Variants in ABCA13 observed in about 807,000 individuals in gnomAD.
The protein encoded by ABCA13 is ATP-binding cassette sub-family A member 13.
Under a neutral mutation model 478.7 loss-of-function variants are expected in ABCA13, and 476 were observed. That is an observed-to-expected ratio of 0.99 (90% confidence interval 0.92 to 1.07). ABCA13 has a LOEUF of 1.07. ABCA13 is among the 50% of genes least tolerant of loss of function. The pLI, the probability that ABCA13 is intolerant of heterozygous loss-of-function variation, is 0.00. For synonymous variants in ABCA13, 2,252 were observed against 2,158.9 expected, an observed-to-expected ratio of 1.04 and a Z score of -1.20; for missense variants, 6,060 against 5,910.6, an observed-to-expected ratio of 1.03 and a Z score of -0.83.
intron 15 of ABCA13, among the ~76,000 whole-genome samples, chr7:48,250,994 C>T (rs892628474): frequency 1.3e-5 from 2 of 152,178 alleles, no homozygotes; most frequent in African/African-American, 2.4e-5. Context: ...TTATTTCATG[C>T]TGTTTTTTAA....
At chr7:48,532,293 A>G (rs561326281) in intron 55 of ABCA13, among the ~76,000 whole-genome samples, 1 of 152,268 alleles carries the variant, frequency 6.6e-6, no homozygotes, top group Admixed American at 6.5e-5. Flanking sequence ...TATGTGGTGT[A>G]TCACATTAAT....
chr7:48,179,558 G>C (rs1177221369), intron 1 of ABCA13, among the ~76,000 whole-genome samples: 1 of 152,328 alleles, frequency 6.6e-6, no homozygotes, highest in East Asian at 1.9e-4. Flanking sequence ...GAGCTCCTGG[G>C]AGAATTGTAC....
chr7:48,445,463 C>T (rs1369979434), intron 42 of ABCA13, among the ~76,000 whole-genome samples: 2 of 152,144 alleles, frequency 1.3e-5, no homozygotes, highest in Admixed American at 1.3e-4. Flanking sequence ...CAGTTGGACT[C>T]CTTTCAGTTT....
Position 48,410,093 on chromosome 7 carries a change from C to CAAAAAAA in ABCA13, c.12071-415_12071-409dup, listed in dbSNP as rs58724216. Among the ~76,000 whole-genome samples the CAAAAAAA allele has an allele frequency of 3.7e-4, 25 of 67,200 alleles. 1 individual carries two copies. The highest frequency in any genetic ancestry group is 8.1e-4 in the East Asian group (2 of 2,464). 44.1% of individuals were successfully genotyped at this position (67,200 alleles called of 152,430 possible). A position where few individuals can be genotyped will look rare whatever the true frequency, so the allele number is the denominator to read the frequency against. On this transcript the variant is annotated intron_variant, in intron 39 of 61. Coordinates refer to ENST00000435803, the MANE Select transcript of ABCA13 (RefSeq NM_152701.5). ...TGGGAGACAGAGCAAGACTCCATCT[C>CAAAAAAA]AAAAAAAAAAAAAAAAAAGGATGAG...
intron 29 of ABCA13, among the ~76,000 whole-genome samples, chr7:48,344,188 A>AT (rs1807690438): frequency 6.6e-6 from 1 of 152,154 alleles, no homozygotes; most frequent in Non-Finnish European, 1.5e-5. Context: ...GTCTGGAGAT[A>AT]TTTTTGGTTG....
intron 58 of ABCA13, among the ~76,000 whole-genome samples, chr7:48,610,540 C>T (rs1791927249): frequency 6.6e-6 from 1 of 152,196 alleles, no homozygotes; most frequent in Non-Finnish European, 1.5e-5. Context: ...GGCACTGCCC[C>T]AGTGGGGACT....
intron 31 of ABCA13, among the ~76,000 whole-genome samples, chr7:48,356,893 T>C (rs1047778535): frequency 6.6e-6 from 1 of 152,026 alleles, no homozygotes; most frequent in African/African-American, 2.4e-5. Context: ...AATAAACAGG[T>C]TTTCAGAAAA....
chr7:48,361,215 G>A (rs1373904851), intron 31 of ABCA13, among the ~76,000 whole-genome samples: 1 of 151,876 alleles, frequency 6.6e-6, no homozygotes, highest in Admixed American at 6.6e-5. Context: ...TTGGTACTCA[G>A]TGCAGTTGTT....
Position 48,313,970 on chromosome 7 carries a change from TG to T in ABCA13, c.9682-261del, listed in dbSNP as rs1802154363. Among the ~76,000 whole-genome samples, 12 of 128,868 alleles carry T rather than the reference TG, an allele frequency of 9.3e-5. No individual in the cohort carries two copies. The South Asian group carries it at 2.7e-3, about 29-fold the overall frequency. 84.5% of individuals were successfully genotyped at this position (128,868 alleles called of 152,430 possible). A position where few individuals can be genotyped will look rare whatever the true frequency, so the allele number is the denominator to read the frequency against. On this transcript the variant is annotated intron_variant, in intron 25 of 61. Transcript: ENST00000435803. ...ACTGGACAAATAGTGTAAGGACTTA[TG>T]TGTGTGTGTGTATGTGTGTGTGTGT...
intron 1 of ABCA13, among the ~76,000 whole-genome samples, chr7:48,172,206 T>C (rs1173761318): frequency 6.6e-6 from 1 of 152,248 alleles, no homozygotes; most frequent in Admixed American, 6.5e-5. Flanking sequence ...TTATTCCTGA[T>C]GCCACTATAT....
chr7:48,489,525 A>C (rs1829655244), intron 48 of ABCA13, among the ~76,000 whole-genome samples, 181 bp downstream of exon 48: 1 of 152,202 alleles, frequency 6.6e-6, no homozygotes, highest in Non-Finnish European at 1.5e-5. Context: ...TTTGTGTGTC[A>C]TTAAATGTCT....
chr7:48,271,782 T>C lies in ABCA13; in HGVS notation c.2121-5T>C. 1 of 1,439,596 alleles carries C rather than the reference T, an allele frequency of 6.9e-7. No individual in the cohort carries two copies. The highest frequency in any genetic ancestry group is 9.2e-7 in the Non-Finnish European group (1 of 1,090,286). 89.2% of individuals were successfully genotyped at this position (1,439,596 alleles called of 1,614,324 possible). ...TATACTAAAATAATTCTATTAATAT[T>C]ACAGGGCTTTAAATTTCACAAAGCA... On this transcript the variant is annotated splice_region_variant and splice_polypyrimidine_tract_variant and intron_variant, in intron 16 of 61. Transcript: ENST00000435803.
chr7:48,234,173 TCA>T, intron 8 of ABCA13, 22 bp downstream of exon 8: 1 of 1,613,702 alleles, frequency 6.2e-7, no homozygotes, highest in Non-Finnish European at 8.5e-7. Flanking sequence ...TGACTGCTTC[TCA>T]CACCGCTGGG....
At chr7:48,227,190 A>C (rs568934723) in intron 5 of ABCA13, 72 bp from the exon 6 acceptor site, 578 of 1,546,918 alleles carry the variant, frequency 3.7e-4, no homozygotes, top group Admixed American at 5.4e-4. Context: ...CCTTTGTAGC[A>C]TCTGTCTGTC....
rs183974565 is a variant in ABCA13, at chr7:48,384,797, A to G, written c.11336-3025A>G. Among the ~76,000 whole-genome samples the G allele has an allele frequency of 3.7e-4, 56 of 152,334 alleles. No homozygotes were observed. In the East Asian group the frequency reaches 0.01, roughly 28 times the overall value. ...CCTGGAGGCTAAAAGTCTGAGATCA[A>G]GGTGTAGGCCTGTGTATGTGGGTAT... is the stretch of plus-strand genomic sequence containing the variant. On this transcript the variant is annotated intron_variant, in intron 35 of 61. Transcript: ENST00000435803.
chr7:48,221,507 T>C (rs1236242060), intron 5 of ABCA13, among the ~76,000 whole-genome samples, 198 bp downstream of exon 5: 1 of 152,236 alleles, frequency 6.6e-6, no homozygotes, highest in African/African-American at 2.4e-5. Flanking sequence ...GAAGCAAGGC[T>C]CTGGGTCTGT....
chr7:48,234,465 G>A (rs559691953), intron 8 of ABCA13, among the ~76,000 whole-genome samples: 4 of 152,298 alleles, frequency 2.6e-5, no homozygotes, highest in East Asian at 1.9e-4. Context: ...TGAAGACAGC[G>A]CTAGTGGGGT....
intron 16 of ABCA13, among the ~76,000 whole-genome samples, chr7:48,270,413 A>T (rs1795443316): frequency 6.6e-6 from 1 of 152,144 alleles, no homozygotes; most frequent in East Asian, 1.9e-4. Context: ...TACTACTTCT[A>T]CTTCAATTTA....
chr7:48,306,557 C>T (rs1800930385), intron 23 of ABCA13, among the ~76,000 whole-genome samples: 1 of 152,166 alleles, frequency 6.6e-6, no homozygotes, highest in South Asian at 2.1e-4. Context: ...TATTCTGCTC[C>T]CAACCTCCTC....
Sources: allele counts gnomAD v4.1 joint callset (sites outside exome capture counted in the v4.1 genomes callset), GRCh38; gene constraint gnomAD v4.1.1; transcripts MANE v1.5; gene names NCBI Gene and HGNC (gene_info 2026-07-23, HGNC 2026-07-21).